The following C16orf74 variants were observed in gnomAD, a reference collection of about 807,000 sequenced individuals.
C16orf74 encodes calcimembrin.
Under a neutral mutation model 6.5 loss-of-function variants are expected in C16orf74, and 10 were observed. The ratio of observed to expected loss-of-function variants is 1.54; its 90% CI spans 0.95 to 2.61. The LOEUF (loss-of-function observed/expected upper bound fraction) is 2.61. C16orf74 is among the 30% of genes most tolerant of loss of function. C16orf74 has a pLI of 0.00. For synonymous variants in C16orf74, 60 were observed against 42.5 expected (o/e 1.41, Z -1.60); for missense variants, 141 against 105.9 (o/e 1.33, Z -1.45).
chr16:85,738,663 A>C (rs887015652), intron 1 of C16orf74, among the ~76,000 whole-genome samples: 1 of 151,132 alleles, frequency 6.6e-6, no homozygotes, highest in African/African-American at 2.4e-5. Context: ...TCCCTGCAGG[A>C]CTCTCACATG....
intron 2 of C16orf74, among the ~76,000 whole-genome samples, chr16:85,723,709 G>T (rs142669052): frequency 1.3e-5 from 2 of 152,250 alleles, no homozygotes; most frequent in African/African-American, 4.8e-5. Context: ...AAGGCAGGCC[G>T]GATTTGGGTT....
At chr16:85,733,491 C>A (rs748083048) in intron 2 of C16orf74, among the ~76,000 whole-genome samples, 1 of 152,196 alleles carries the variant, frequency 6.6e-6, no homozygotes, top group Non-Finnish European at 1.5e-5. Context: ...TTGCACAACA[C>A]TGTGAACGTG....
intron 1 of C16orf74, chr16:85,743,521 GC>G (rs2054333595): frequency 6.6e-6 from 1 of 152,182 alleles, no homozygotes. Flanking sequence ...AGACACTAAA[GC>G]CAAGCCCACA....
At chr16:85,749,398 G>A (rs1277487083) in intron 1 of C16orf74, among the ~76,000 whole-genome samples, 1 of 152,048 alleles carries the variant, frequency 6.6e-6, no homozygotes, top group African/African-American at 2.4e-5. Flanking sequence ...GAAACCTCCC[G>A]TCTCAGCCTC....
At chr16:85,712,008 G>A (rs888765754) in intron 2 of C16orf74, among the ~76,000 whole-genome samples, 10 of 152,158 alleles carry the variant, frequency 6.6e-5, no homozygotes, top group African/African-American at 1.4e-4. Flanking sequence ...TGACTTCCAC[G>A]GTGAGGTCAT....
Position 85,719,240 on chromosome 16 carries a change from G to A in C16orf74, c.29-8933C>T, listed in dbSNP as rs539177549. 1.8e-4 allele frequency among the ~76,000 whole-genome samples: 27 copies of A among 152,354 alleles called. No individual in the cohort carries two copies. In the South Asian group the frequency reaches 5.6e-3, roughly 32 times the overall value. ...TGTGCCCTGCATGGCCCCAGGTGCT[G>A]CAGACACTGCTGCGGAAAGAACGGC... On this transcript the variant is annotated intron_variant, in intron 2 of 3. Transcript: ENST00000284245.
At chr16:85,721,234 G>A (rs530039699) in intron 2 of C16orf74, among the ~76,000 whole-genome samples, 28 of 151,898 alleles carry the variant, frequency 1.8e-4, no homozygotes, top group African/African-American at 6.3e-4. Flanking sequence ...AAAAAGCCAC[G>A]TACTTGGCAC....
chr16:85,750,735 C>A (rs2054428379), intron 1 of C16orf74, among the ~76,000 whole-genome samples, 191 bp downstream of exon 1: 2 of 152,190 alleles, frequency 1.3e-5, no homozygotes, highest in South Asian at 4.1e-4. Context: ...AAGCCCGTGT[C>A]TCCGCAGCAA....
chr16:85,748,892 G>C (rs1012106042), intron 1 of C16orf74, among the ~76,000 whole-genome samples: 5 of 151,870 alleles, frequency 3.3e-5, no homozygotes, highest in African/African-American at 1.2e-4. Context: ...TTAGCCAAGG[G>C]GAGTGGTCCA....
At chr16:85,735,776 T>C (rs758820912) in intron 1 of C16orf74, among the ~76,000 whole-genome samples, 3 of 151,422 alleles carry the variant, frequency 2.0e-5, no homozygotes, top group Non-Finnish European at 1.5e-5. Flanking sequence ...GGTATTAGAA[T>C]TGTCCCAACC....
At chr16:85,731,616 G>C (rs1189258223) in intron 2 of C16orf74, among the ~76,000 whole-genome samples, 1 of 152,158 alleles carries the variant, frequency 6.6e-6, no homozygotes, top group African/African-American at 2.4e-5. Context: ...AACGGTGCCC[G>C]CTCCAAAAGA....
intron 2 of C16orf74, among the ~76,000 whole-genome samples, chr16:85,727,491 C>A (rs542116505): frequency 6.6e-6 from 1 of 152,092 alleles, no homozygotes; most frequent in African/African-American, 2.4e-5. Context: ...TGGGGGAAAT[C>A]GGAATCACGT....
At chr16:85,722,407 A>G (rs1474163373) in intron 2 of C16orf74, among the ~76,000 whole-genome samples, 1 of 152,226 alleles carries the variant, frequency 6.6e-6, no homozygotes, top group Non-Finnish European at 1.5e-5. Flanking sequence ...CCCTGTGGGC[A>G]GCTGAAGCTG....
At chr16:85,748,681 G>A (rs1315673617) in intron 1 of C16orf74, among the ~76,000 whole-genome samples, 1 of 152,204 alleles carries the variant, frequency 6.6e-6, no homozygotes, top group Non-Finnish European at 1.5e-5. Flanking sequence ...ACGATAAGGA[G>A]TTTGGCTTGA....
At chr16:85,733,935 G>C (rs1408536089) in intron 2 of C16orf74, among the ~76,000 whole-genome samples, 1 of 152,182 alleles carries the variant, frequency 6.6e-6, no homozygotes, top group East Asian at 1.9e-4. Context: ...CAAAGGGGCG[G>C]GCCTAAGACC....
At position 85,719,833 on chromosome 16, in the gene C16orf74, A is replaced by AG. The variant is rs146882918; in HGVS notation, c.29-9527dup. On this transcript the variant is annotated intron_variant, in intron 2 of 3. Transcript: ENST00000284245. ...CACAAAGGCCCTGAGGCAGGAACAT[A>AG]GGGGCCACAGGCCACAGCACACACA... 1.6e-4 allele frequency among the ~76,000 whole-genome samples: 23 copies of AG among 142,494 alleles called. 1 individual carries two copies. Among genetic ancestry groups the AG allele is most frequent in the Admixed American group, 1.0e-3 (15 of 14,818 alleles). The allele number at this position is 142,494 out of a possible 152,430, so 93.5% of individuals were successfully genotyped here.
rs764126540 is a variant in C16orf74 at position 85,735,159 on chromosome 16, G to C, written c.28+31C>G. 2.8e-5 allele frequency: 45 copies of C among 1,591,682 alleles called. No homozygotes were observed. In the African/African-American group the frequency reaches 6.0e-4, roughly 21 times the overall value. ...CAACCCAGCACCCCCTCTGCCATGAGAGCTGGTGGGGGCAGAGCTTCAGGC... is the reference window on the plus strand; with the variant it reads ...CAACCCAGCACCCCCTCTGCCATGACAGCTGGTGGGGGCAGAGCTTCAGGC... On this transcript the variant is annotated intron_variant, in intron 2 of 3. Coordinates refer to ENST00000284245, the MANE Select transcript of C16orf74 (RefSeq NM_206967.3).
chr16:85,719,642 A>G (rs74034062), intron 2 of C16orf74, among the ~76,000 whole-genome samples: 3,557 of 152,236 alleles, frequency 0.023, 126 homozygotes, highest in African/African-American at 0.08. Context: ...GGGGCAGATG[A>G]TAAGCCCACT....
intron 1 of C16orf74, among the ~76,000 whole-genome samples, chr16:85,748,091 A>AT (rs1443082422): frequency 7.5e-5 from 5 of 66,942 alleles, no homozygotes; most frequent in Admixed American, 1.6e-4. Context: ...GTCTCAAAAA[A>AT]ATATATATAT....
Sources: gnomAD v4.1 joint callset for allele counts (sites outside exome capture counted in the v4.1 genomes callset) on GRCh38, gnomAD v4.1.1 for gene constraint, MANE v1.5 for transcripts, NCBI Gene and HGNC (gene_info 2026-07-23, HGNC 2026-07-21) for gene names.